RBMS3: variants seen among roughly 807,000 people sequenced by gnomAD.
RBMS3 encodes RNA-binding motif, single-stranded-interacting protein 3.
In RBMS3, 27 loss-of-function variants were observed where a neutral mutation model predicts 66.8. The observed-to-expected ratio is 0.40, with a 90% CI of 0.30 to 0.56. RBMS3 has a LOEUF of 0.56. Among genes scored for constraint, RBMS3 ranks in the 20% least tolerant of loss-of-function variants. The pLI is 0.40. For synonymous variants in RBMS3, 188 were observed against 183.0 expected (o/e 1.03, Z -0.22); for missense variants, 513 against 549.5 (o/e 0.93, Z 0.66).
At chr3:29,743,730 CT>C (rs142469262) in intron 5 of RBMS3, among the ~76,000 whole-genome samples, 1,975 of 136,600 alleles carry the variant, frequency 0.014, 21 homozygotes, top group Admixed American at 0.035. Context: ...ATTTGCATTT[CT>C]TTTTTTTTTT....
At chr3:29,628,302 T>C (rs1460614815) in intron 4 of RBMS3, among the ~76,000 whole-genome samples, 1 of 152,132 alleles carries the variant, frequency 6.6e-6, no homozygotes, top group African/African-American at 2.4e-5. Context: ...GTCAATGAAA[T>C]TGAAACATTT....
intron 12 of RBMS3, among the ~76,000 whole-genome samples, chr3:29,969,560 C>T (rs1395770271): frequency 6.6e-6 from 1 of 152,138 alleles, no homozygotes; most frequent in Non-Finnish European, 1.5e-5. Context: ...TTACACTACA[C>T]CATGCTAGGG....
At chr3:29,607,422 T>C (rs1351995638) in intron 4 of RBMS3, among the ~76,000 whole-genome samples, 1 of 151,958 alleles carries the variant, frequency 6.6e-6, no homozygotes. Flanking sequence ...GTCCTCACAC[T>C]GTGGAAGGGG....
intron 6 of RBMS3, among the ~76,000 whole-genome samples, chr3:29,814,739 C>G (rs184846747): frequency 7.9e-5 from 12 of 152,078 alleles, no homozygotes; most frequent in African/African-American, 2.9e-4. Context: ...AATTTATCCA[C>G]GTGCACATTG....
At chr3:29,665,068 C>A (rs868417287) in intron 4 of RBMS3, among the ~76,000 whole-genome samples, 44 of 152,196 alleles carry the variant, frequency 2.9e-4, no homozygotes, top group African/African-American at 1.1e-3. Context: ...ATAATACCAG[C>A]TAAAGGAGTG....
chr3:29,645,425 G>A (rs1186455206), intron 4 of RBMS3, among the ~76,000 whole-genome samples: 1 of 152,178 alleles, frequency 6.6e-6, no homozygotes, highest in Non-Finnish European at 1.5e-5. Flanking sequence ...CAGGACAGAA[G>A]GGTCTTTGTA....
chr3:29,581,372 G>A (rs2047322181), intron 3 of RBMS3, among the ~76,000 whole-genome samples: 1 of 152,154 alleles, frequency 6.6e-6, no homozygotes, highest in South Asian at 2.1e-4. Context: ...ATAGTTTAGG[G>A]ATACAGTAGA....
At chr3:29,440,600 C>T (rs764190743) in intron 2 of RBMS3, among the ~76,000 whole-genome samples, 3 of 152,136 alleles carry the variant, frequency 2.0e-5, no homozygotes, top group Non-Finnish European at 4.4e-5. Flanking sequence ...CTCTGAATGT[C>T]ACTTTAACAT....
chr3:29,431,590 C>CA (rs940306762), intron 1 of RBMS3, among the ~76,000 whole-genome samples: 7 of 151,880 alleles, frequency 4.6e-5, no homozygotes, highest in Non-Finnish European at 7.4e-5. Context: ...CGCGCCCAGC[C>CA]AAAAAACGTT....
intron 10 of RBMS3, among the ~76,000 whole-genome samples, chr3:29,929,289 A>T (rs572656494): frequency 6.6e-6 from 1 of 152,312 alleles, no homozygotes; most frequent in South Asian, 2.1e-4. Context: ...GCTACTGAAA[A>T]CACCAAAAGC....
chr3:29,424,026 A>G (rs1292970378), intron 1 of RBMS3, among the ~76,000 whole-genome samples: 2 of 152,230 alleles, frequency 1.3e-5, no homozygotes, highest in East Asian at 3.8e-4. Flanking sequence ...ATCAATGAGC[A>G]TAAAGCTCTT....
chr3:29,840,727 T>A (rs2058642258), intron 6 of RBMS3, among the ~76,000 whole-genome samples: 1 of 152,062 alleles, frequency 6.6e-6, no homozygotes, highest in South Asian at 2.1e-4. Context: ...TCCATTTTAA[T>A]GAATGTACCA....
chr3:29,767,870 C>A (rs895626577), intron 6 of RBMS3, among the ~76,000 whole-genome samples: 10 of 151,872 alleles, frequency 6.6e-5, no homozygotes, highest in African/African-American at 2.2e-4. Context: ...CAGAGCTTTG[C>A]GATCTGTGTT....
At chr3:29,829,932 G>A (rs530839666) in intron 6 of RBMS3, among the ~76,000 whole-genome samples, 40 of 152,028 alleles carry the variant, frequency 2.6e-4, no homozygotes, top group Admixed American at 1.4e-3. Context: ...TTATTATGTC[G>A]CTTCCTGTCC....
At chr3:29,715,490 A>C (rs948564926) in intron 4 of RBMS3, among the ~76,000 whole-genome samples, 3 of 152,118 alleles carry the variant, frequency 2.0e-5, no homozygotes, top group Non-Finnish European at 4.4e-5. Flanking sequence ...ATTTAAGCCA[A>C]GCAGATTAAA....
intron 7 of RBMS3, among the ~76,000 whole-genome samples, chr3:29,871,940 A>G (rs1250339079): frequency 1.3e-5 from 2 of 152,180 alleles, no homozygotes; most frequent in African/African-American, 2.4e-5. Flanking sequence ...AACTTCATAC[A>G]CAGAAATTAG....
intron 5 of RBMS3, among the ~76,000 whole-genome samples, chr3:29,740,442 CA>C (rs1260010986): frequency 6.6e-6 from 1 of 151,092 alleles, no homozygotes; most frequent in African/African-American, 2.4e-5. Flanking sequence ...TTAGGCAGAA[CA>C]GGGGAAAAAA....
intron 4 of RBMS3, among the ~76,000 whole-genome samples, chr3:29,732,730 A>C (rs2054188508): frequency 6.6e-6 from 1 of 152,120 alleles, no homozygotes; most frequent in African/African-American, 2.4e-5. Context: ...AAAAACATTT[A>C]GTTTTTATTA....
chr3:29,411,356 T>G (rs1264347666), intron 1 of RBMS3, among the ~76,000 whole-genome samples: 1 of 152,214 alleles, frequency 6.6e-6, no homozygotes, highest in Non-Finnish European at 1.5e-5. Context: ...AGATATTTCC[T>G]CTTTTGACAA....
Sources: allele counts gnomAD v4.1 joint callset (sites outside exome capture counted in the v4.1 genomes callset), GRCh38; gene constraint gnomAD v4.1.1; transcripts MANE v1.5; gene names NCBI Gene and HGNC (gene_info 2026-07-23, HGNC 2026-07-21).